The following HDAC9 variants were observed in gnomAD, a reference collection of about 807,000 sequenced individuals.
The protein encoded by HDAC9 is histone deacetylase 9.
HDAC9 carries 41 observed loss-of-function variants against 139.4 expected under a neutral mutation model. The ratio of observed to expected loss-of-function variants is 0.29; its 90% confidence interval spans 0.23 to 0.38. The LOEUF is 0.38. Ranked by LOEUF, HDAC9 falls within the 10% of genes least tolerant of loss-of-function variation. The probability of loss-of-function intolerance (pLI) is 1.00; values close to 1 mark genes in which losing one functional copy is unlikely to be tolerated. For missense variants in HDAC9, 1,147 were observed against 1,297.0 expected, an observed-to-expected ratio of 0.88 and a Z score of 1.78; for synonymous variants, 517 against 476.2, an observed-to-expected ratio of 1.09 and a Z score of -1.12.
intron 1 of HDAC9, among the ~76,000 whole-genome samples, chr7:18,477,340 G>A (rs1388898755): frequency 6.6e-6 from 1 of 152,088 alleles, no homozygotes; most frequent in Non-Finnish European, 1.5e-5. Context: ...GTTTAATCCA[G>A]CGTGTCTTAA....
At chr7:18,676,064 C>G (rs1192297185) in intron 12 of HDAC9, among the ~76,000 whole-genome samples, 2 of 151,884 alleles carry the variant, frequency 1.3e-5, no homozygotes, top group African/African-American at 4.8e-5. Flanking sequence ...ATGTCTGTGC[C>G]CAGGTCTCCT....
intron 22 of HDAC9, among the ~76,000 whole-genome samples, chr7:18,883,886 G>T (rs1367266224): frequency 6.6e-6 from 1 of 151,994 alleles, no homozygotes; most frequent in African/African-American, 2.4e-5. Flanking sequence ...TAGCATTTCT[G>T]TATACTAACA....
intron 1 of HDAC9, among the ~76,000 whole-genome samples, chr7:18,396,425 A>T (rs1201382420): frequency 6.6e-6 from 1 of 152,138 alleles, no homozygotes; most frequent in Non-Finnish European, 1.5e-5. Flanking sequence ...TGCATTCAGC[A>T]CAGGATATAT....
intron 2 of HDAC9, among the ~76,000 whole-genome samples, chr7:18,521,914 C>T (rs1277097751): frequency 6.6e-6 from 1 of 152,010 alleles, no homozygotes; most frequent in Non-Finnish European, 1.5e-5. Context: ...AGCCTTAGTA[C>T]GATGTCTGGA....
intron 2 of HDAC9, among the ~76,000 whole-genome samples, chr7:18,571,646 A>G (rs886757788): frequency 6.6e-5 from 10 of 151,012 alleles, no homozygotes; most frequent in Admixed American, 4.6e-4. Context: ...TTTTTTGGTA[A>G]TAAAGATTTA....
rs1585537575 is a variant in HDAC9 at position 19,001,350 on chromosome 7, G to T, written c.*5288G>T. The T allele has an allele frequency of 2.0e-5, 3 of 152,030 alleles. No homozygotes were observed. In the East Asian group the frequency reaches 5.8e-4, roughly 29 times the overall value. The allele number at this position is 152,030 out of a possible 1,614,324, so 9.4% of individuals were successfully genotyped here. A position where few individuals can be genotyped will look rare whatever the true frequency, so the allele number is the denominator to read the frequency against. On this transcript the variant is annotated 3_prime_UTR_variant, in exon 26 of 26. Transcript: ENST00000686413. ...TTTTATTTTTTTGTTTGGGCCTTAGGCACAATAGAAGCAAATGTTGCAATA... is the reference window on the plus strand; with the variant it reads ...TTTTATTTTTTTGTTTGGGCCTTAGTCACAATAGAAGCAAATGTTGCAATA...
chr7:18,333,720 A>AT (rs1259416857), intron 1 of HDAC9, among the ~76,000 whole-genome samples: 3 of 151,436 alleles, frequency 2.0e-5, no homozygotes, highest in Admixed American at 6.6e-5. Context: ...TCATTTAGGT[A>AT]TTTTTTAAGG....
At chr7:18,726,296 G>C (rs184220581) in intron 12 of HDAC9, among the ~76,000 whole-genome samples, 2 of 152,290 alleles carry the variant, frequency 1.3e-5, no homozygotes, top group Admixed American at 1.3e-4. Context: ...CAAGCCTTGA[G>C]TGAAAATACA....
rs369430414 is a variant in HDAC9, at chr7:18,581,470, ACTTG to A, written c.23-3810_23-3807del. Among the ~76,000 whole-genome samples the A allele has an allele frequency of 1.3e-3, 205 of 152,236 alleles. 1 individual carries two copies. The highest frequency in any genetic ancestry group is 6.8e-3 in the Middle Eastern group (2 of 294). Reference sequence around the variant, plus strand: ...GAGGTTTACAATAACTGTTTCAGAGACTTGTAGGACTTTTTTTCTTATCTTTTTA... The same window carrying A: ...GAGGTTTACAATAACTGTTTCAGAGATAGGACTTTTTTTCTTATCTTTTTA... On this transcript the variant is annotated intron_variant, in intron 2 of 25. Coordinates refer to ENST00000686413, the MANE Select transcript of HDAC9 (RefSeq NM_178425.4).
intron 1 of HDAC9, among the ~76,000 whole-genome samples, chr7:18,335,279 ACAATTTAG>A (rs1239258503): frequency 5.3e-5 from 8 of 151,646 alleles, no homozygotes; most frequent in Admixed American, 2.6e-4. Context: ...AAAAATTAAA[ACAATTTAG>A]CAATAGCTGC....
At chr7:18,872,407 C>T (rs1348883487) in intron 21 of HDAC9, among the ~76,000 whole-genome samples, 1 of 152,086 alleles carries the variant, frequency 6.6e-6, no homozygotes, top group East Asian at 1.9e-4. Flanking sequence ...GCATAGAGAG[C>T]TATAGTTCCC....
At chr7:18,116,979 C>T (rs886834961) in intron 1 of HDAC9, among the ~76,000 whole-genome samples, 1 of 152,208 alleles carries the variant, frequency 6.6e-6, no homozygotes, top group East Asian at 1.9e-4. Flanking sequence ...TACAATCATT[C>T]TGAATTGGTC....
At chr7:18,248,155 TGGG>T (rs1794680772) in intron 2 of HDAC9, among the ~76,000 whole-genome samples, 1 of 152,214 alleles carries the variant, frequency 6.6e-6, no homozygotes, top group Admixed American at 6.5e-5. Flanking sequence ...AAGTCGTGTC[TGGG>T]ATAATTAAAT....
chr7:18,589,009 C>T (rs879179998), intron 3 of HDAC9, among the ~76,000 whole-genome samples: 5 of 151,948 alleles, frequency 3.3e-5, no homozygotes, highest in South Asian at 2.1e-4. Flanking sequence ...ATTTTATGTA[C>T]GTTATGAATA....
At chr7:18,805,944 A>G (rs1434788702) in intron 17 of HDAC9, among the ~76,000 whole-genome samples, 2 of 152,278 alleles carry the variant, frequency 1.3e-5, no homozygotes, top group Non-Finnish European at 2.9e-5. Context: ...TCCCCAACAC[A>G]CAGAGATGTA....
intron 14 of HDAC9, 104 bp from the exon 15 acceptor site, chr7:18,762,053 A>G: frequency 8.2e-7 from 1 of 1,218,380 alleles, no homozygotes; most frequent in South Asian, 1.3e-5. Context: ...TTCCTACATG[A>G]TGAAATTCAG....
chr7:18,659,381 A>C (rs1434607022), intron 11 of HDAC9, among the ~76,000 whole-genome samples: 2 of 152,110 alleles, frequency 1.3e-5, no homozygotes, highest in African/African-American at 4.8e-5. Context: ...TTAAACATGG[A>C]ATGTGAGATT....
chr7:18,801,101 T>C (rs1315936556), intron 17 of HDAC9, among the ~76,000 whole-genome samples: 1 of 152,104 alleles, frequency 6.6e-6, no homozygotes, highest in Admixed American at 6.6e-5. Context: ...TTATGCCATT[T>C]TAAAATTTGT....
At chr7:18,327,866 T>C (rs1431317379) in intron 1 of HDAC9, 1 of 152,042 alleles carries the variant, frequency 6.6e-6, no homozygotes, top group Non-Finnish European at 1.5e-5. Context: ...TTTCCTTTTT[T>C]ATTGTTATAG....
Sources: gnomAD v4.1 joint callset for allele counts (sites outside exome capture counted in the v4.1 genomes callset) on GRCh38, gnomAD v4.1.1 for gene constraint, MANE v1.5 for transcripts, NCBI Gene and HGNC (gene_info 2026-07-23, HGNC 2026-07-21) for gene names.